Variants in CLEC16A observed in about 807,000 individuals in gnomAD.
CLEC16A encodes protein CLEC16A.
Under a neutral mutation model 109.5 loss-of-function variants are expected in CLEC16A, and 51 were observed. That is an observed-to-expected ratio of 0.47 (90% CI 0.37 to 0.59). The LOEUF (loss-of-function observed/expected upper bound fraction) is 0.59. Ranked by LOEUF, CLEC16A falls within the 20% of genes least tolerant of loss-of-function variation. The pLI is 0.00. For synonymous variants in CLEC16A, 673 were observed against 564.2 expected (o/e 1.19, Z -2.73); for missense variants, 1,339 against 1,394.0 (o/e 0.96, Z 0.63).
chr16:11,151,837 G>A (rs758362593), intron 22 of CLEC16A, among the ~76,000 whole-genome samples: 1 of 152,310 alleles, frequency 6.6e-6, no homozygotes, highest in South Asian at 2.1e-4. Flanking sequence ...GGGGCCGGCT[G>A]GGGAAGGGGC....
At chr16:11,003,403 C>G (rs1217480110) in intron 11 of CLEC16A, 98 bp downstream of exon 11, 1 of 888,814 alleles carries the variant, frequency 1.1e-6, no homozygotes, top group Non-Finnish European at 1.8e-6. Flanking sequence ...TTCTGCTCCC[C>G]ACAGTGTCCA....
intron 10 of CLEC16A, among the ~76,000 whole-genome samples, chr16:10,997,966 G>A (rs2044427493): frequency 6.6e-6 from 1 of 152,210 alleles, no homozygotes; most frequent in Non-Finnish European, 1.5e-5. Flanking sequence ...GAACATGTTT[G>A]TTTGACATCT....
intron 19 of CLEC16A, among the ~76,000 whole-genome samples, chr16:11,061,700 T>C (rs1344155177): frequency 1.3e-5 from 2 of 152,196 alleles, no homozygotes; most frequent in Non-Finnish European, 2.9e-5. Context: ...AACGGCATTG[T>C]GGTATATTAG....
chr16:10,962,355 A>T, intron 2 of CLEC16A, 100 bp from the exon 3 acceptor site: 1 of 1,422,514 alleles, frequency 7.0e-7, no homozygotes. Flanking sequence ...CTTGGGGGAG[A>T]GGGGTGAATC....
intron 11 of CLEC16A, among the ~76,000 whole-genome samples, chr16:11,013,249 G>T (rs1157628748): frequency 6.6e-6 from 1 of 152,182 alleles, no homozygotes; most frequent in Non-Finnish European, 1.5e-5. Flanking sequence ...TCAAAGATCT[G>T]CTGTATTGTG....
intron 1 of CLEC16A, among the ~76,000 whole-genome samples, chr16:10,957,516 A>T (rs1371564806): frequency 6.6e-6 from 1 of 152,196 alleles, no homozygotes; most frequent in African/African-American, 2.4e-5. Context: ...GTTCTCTTGC[A>T]CACTGCAGTT....
chr16:11,032,235 A>G (rs913959356), intron 13 of CLEC16A, among the ~76,000 whole-genome samples: 6 of 152,158 alleles, frequency 3.9e-5, no homozygotes, highest in African/African-American at 1.4e-4. Context: ...AGCATGTCCG[A>G]GGCAGCGGGT....
intron 12 of CLEC16A, among the ~76,000 whole-genome samples, chr16:11,022,900 AAAAT>A (rs1171137928): frequency 3.4e-4 from 35 of 103,960 alleles, no homozygotes; most frequent in African/African-American, 1.7e-3. Flanking sequence ...TTCCATCTCA[AAAAT>A]ATATATATAT....
intron 19 of CLEC16A, among the ~76,000 whole-genome samples, chr16:11,093,319 C>T (rs2050420712): frequency 6.6e-6 from 1 of 152,220 alleles, no homozygotes; most frequent in Admixed American, 6.5e-5. Context: ...CACTTTTCCT[C>T]AGCCAGTGCG....
chr16:11,141,018 G>A (rs756749892), intron 22 of CLEC16A, among the ~76,000 whole-genome samples: 2 of 152,252 alleles, frequency 1.3e-5, no homozygotes, highest in Admixed American at 6.5e-5. Flanking sequence ...GGCCACTGCT[G>A]TTGAGGAGGG....
intron 11 of CLEC16A, among the ~76,000 whole-genome samples, chr16:11,019,214 G>A (rs2045946453): frequency 6.6e-6 from 1 of 152,102 alleles, no homozygotes; most frequent in African/African-American, 2.4e-5. Flanking sequence ...GAAAGTCCAC[G>A]CCCGCACAGC....
intron 22 of CLEC16A, among the ~76,000 whole-genome samples, chr16:11,135,546 T>A (rs1438551445): frequency 6.6e-6 from 1 of 152,206 alleles, no homozygotes; most frequent in Non-Finnish European, 1.5e-5. Flanking sequence ...GAACTGAGTG[T>A]TGCTTCACTC....
chr16:10,996,554 T>G (rs16957895), intron 10 of CLEC16A, among the ~76,000 whole-genome samples: 1 of 152,000 alleles, frequency 6.6e-6, no homozygotes, highest in Non-Finnish European at 1.5e-5. Context: ...ATCCAAGACT[T>G]GTATCAGTCA....
intron 19 of CLEC16A, among the ~76,000 whole-genome samples, chr16:11,081,915 C>G (rs946362885): frequency 2.0e-5 from 3 of 151,956 alleles, no homozygotes; most frequent in Non-Finnish European, 2.9e-5. Context: ...ACCTGTAGTC[C>G]CAGCTACTTG....
chr16:10,952,332 A>G (rs551977354), intron 1 of CLEC16A, among the ~76,000 whole-genome samples: 1 of 152,186 alleles, frequency 6.6e-6, no homozygotes, highest in African/African-American at 2.4e-5. Flanking sequence ...CATCTCTACT[A>G]AAAGTACAAA....
chr16:10,967,298 G>A (rs907639872), intron 3 of CLEC16A, among the ~76,000 whole-genome samples: 1 of 152,210 alleles, frequency 6.6e-6, no homozygotes, highest in East Asian at 1.9e-4. Context: ...GACTTTGATC[G>A]ACCTCAGTTA....
intron 11 of CLEC16A, among the ~76,000 whole-genome samples, chr16:11,017,824 G>T (rs995331392): frequency 1.3e-5 from 2 of 152,020 alleles, no homozygotes; most frequent in Admixed American, 1.3e-4. Flanking sequence ...TCCTCAAAAT[G>T]TCCAGGTCAT....
rs1597625690 is a variant in CLEC16A, at chr16:11,170,249, G to A, written c.2806+3697G>A. Among the ~76,000 whole-genome samples the A allele has an allele frequency of 3.3e-5, 5 of 152,278 alleles. No individual in the cohort carries two copies. The Middle Eastern group carries it at 0.017, about 518-fold the overall frequency. On this transcript the variant is annotated intron_variant, in intron 23 of 23. Transcript: ENST00000409790. ...AAAAGTCACGGCCCCACTCGTGAAG[G>A]CCTGCTAACATGTACAACCCCAGCC...
intron 22 of CLEC16A, among the ~76,000 whole-genome samples, chr16:11,158,586 G>T (rs989381182): frequency 6.6e-6 from 1 of 152,094 alleles, no homozygotes; most frequent in Non-Finnish European, 1.5e-5. Context: ...CCAGAGTTTG[G>T]TCAAGGAGGC....
Sources: allele counts gnomAD v4.1 joint callset (sites outside exome capture counted in the v4.1 genomes callset), GRCh38; gene constraint gnomAD v4.1.1; transcripts MANE v1.5; gene names NCBI Gene and HGNC (gene_info 2026-07-23, HGNC 2026-07-21).